Variants in CNTNAP5 observed in about 807,000 individuals in gnomAD.
CNTNAP5 encodes contactin-associated protein-like 5.
A neutral mutation model predicts 150.2 loss-of-function variants in CNTNAP5; 72 were observed. That is an observed-to-expected ratio of 0.48 (90% CI 0.40 to 0.58). The LOEUF (loss-of-function observed/expected upper bound fraction) is 0.58, where lower values mean the gene tolerates loss of function less well. CNTNAP5 is among the 20% of genes least tolerant of loss of function. The pLI is 0.00. For synonymous variants in CNTNAP5, 672 were observed against 619.8 expected (o/e 1.08, Z -1.25); for missense variants, 1,636 against 1,626.2 (o/e 1.01, Z -0.10).
At position 124,553,506 on chromosome 2, in the gene CNTNAP5, A is replaced by AAG. The variant is rs1695679843; in HGVS notation, c.1650-9710_1650-9709insGA. 2.3e-5 allele frequency among the ~76,000 whole-genome samples: 3 copies of AAG among 128,726 alleles called. No individual in the cohort carries two copies. The South Asian group carries it at 7.7e-4, about 33-fold the overall frequency. The allele number at this position is 128,726 out of a possible 152,430, so 84.4% of individuals were successfully genotyped here. On this transcript the variant is annotated intron_variant, in intron 10 of 23. Transcript: ENST00000682447. ...GTAGCAGACCAAGACTCTGTCTCAA[A>AAG]AAAAAAAAAAAAAAGTTAGAATGCA...
intron 6 of CNTNAP5, among the ~76,000 whole-genome samples, chr2:124,474,226 C>T (rs1693587436): frequency 6.6e-6 from 1 of 151,990 alleles, no homozygotes; most frequent in Admixed American, 6.6e-5. Flanking sequence ...ACTTGCTTTA[C>T]AAAACTATAT....
chr2:124,516,142 A>G (rs1330654034), intron 8 of CNTNAP5, among the ~76,000 whole-genome samples: 2 of 152,194 alleles, frequency 1.3e-5, no homozygotes, highest in African/African-American at 2.4e-5. Flanking sequence ...ATCGAATTTG[A>G]TAGCTGATGG....
intron 19 of CNTNAP5, among the ~76,000 whole-genome samples, chr2:124,810,043 C>T (rs905070387): frequency 2.6e-5 from 4 of 152,118 alleles, no homozygotes; most frequent in Non-Finnish European, 5.9e-5. Context: ...AAATGGTTTG[C>T]GAACTGGAAT....
At chr2:124,870,521 C>T (rs1188191247) in intron 21 of CNTNAP5, among the ~76,000 whole-genome samples, 1 of 151,914 alleles carries the variant, frequency 6.6e-6, no homozygotes, top group Non-Finnish European at 1.5e-5. Flanking sequence ...GTAGGTCCTT[C>T]TACATTGTGG....
chr2:124,541,063 C>G (rs1857691), intron 10 of CNTNAP5, among the ~76,000 whole-genome samples: 1 of 151,962 alleles, frequency 6.6e-6, no homozygotes, highest in African/African-American at 2.4e-5. Context: ...TTTGTCCTCT[C>G]CATGGCTTTC....
chr2:124,536,871 T>C (rs1029574102), intron 10 of CNTNAP5, among the ~76,000 whole-genome samples: 1 of 152,144 alleles, frequency 6.6e-6, no homozygotes, highest in African/African-American at 2.4e-5. Context: ...GGAAGGGCTG[T>C]CTTGGCAGCA....
chr2:124,908,056 C>A (rs965335149), intron 22 of CNTNAP5, among the ~76,000 whole-genome samples: 1 of 151,686 alleles, frequency 6.6e-6, no homozygotes, highest in Non-Finnish European at 1.5e-5. Context: ...AAGGGAGAAA[C>A]CATTGTAAGT....
chr2:124,798,079 C>A lies in CNTNAP5; in HGVS notation c.2993-17C>A. ...CTAAAGGTTTCAATGTGTGCTCTCCCCTCTTATATTTTGCAGAGGTTTCTG... is the reference window on the plus strand; with the variant it reads ...CTAAAGGTTTCAATGTGTGCTCTCCACTCTTATATTTTGCAGAGGTTTCTG... On this transcript the variant is annotated splice_polypyrimidine_tract_variant and intron_variant, in intron 18 of 23. Coordinates refer to ENST00000682447, the MANE Select transcript of CNTNAP5 (RefSeq NM_001367498.1). 1 of 1,578,966 alleles carries A rather than the reference C, an allele frequency of 6.3e-7. No homozygotes were observed. Among genetic ancestry groups the A allele is most frequent in the Middle Eastern group, 1.7e-4 (1 of 6,008 alleles).
chr2:124,799,683 T>A (rs906624774), intron 19 of CNTNAP5, among the ~76,000 whole-genome samples: 1 of 152,246 alleles, frequency 6.6e-6, no homozygotes, highest in East Asian at 1.9e-4. Context: ...TTATTCCTCT[T>A]TGATTCATCT....
intron 3 of CNTNAP5, among the ~76,000 whole-genome samples, chr2:124,314,866 C>T (rs1417831114): frequency 6.6e-6 from 1 of 152,096 alleles, no homozygotes; most frequent in African/African-American, 2.4e-5. Flanking sequence ...TCATTAATTA[C>T]ATGGTCTTAG....
chr2:124,339,687 T>C (rs1428315832), intron 3 of CNTNAP5, among the ~76,000 whole-genome samples: 1 of 151,294 alleles, frequency 6.6e-6, no homozygotes. Flanking sequence ...TATTAAAGAG[T>C]TTAATTGATG....
At chr2:124,123,019 T>A (rs1205863193) in intron 1 of CNTNAP5, among the ~76,000 whole-genome samples, 2 of 151,942 alleles carry the variant, frequency 1.3e-5, no homozygotes, top group African/African-American at 4.8e-5. Flanking sequence ...AGACGGGTGA[T>A]TTCTGCATTT....
At chr2:124,451,077 T>TATACACACAC (rs755084840) in intron 6 of CNTNAP5, among the ~76,000 whole-genome samples, 15 of 61,468 alleles carry the variant, frequency 2.4e-4, no homozygotes, top group Non-Finnish European at 3.5e-4. Context: ...TATATATATA[T>TATACACACAC]ACACACACAC....
Position 124,221,753 on chromosome 2 carries a change from C to G in CNTNAP5, c.131C>G (p.Ser44Cys), listed in dbSNP as rs781042103. 5 of 1,611,738 alleles carry G rather than the reference C, an allele frequency of 3.1e-6. No individual in the cohort carries two copies. The African/African-American group carries it at 4.0e-5, about 13-fold the overall frequency. Residue 44 changes from serine to cysteine, a missense_variant, in exon 2 of 24, where the codon TCC (serine) becomes TGC (cysteine). Coordinates refer to ENST00000682447, the MANE Select transcript of CNTNAP5 (RefSeq NM_001367498.1). ...LASLLSPMAF[S>C]SSSDLTGTHS... is the part of the protein sequence containing the mutation. ...TCCCTGCTCTCTCCAATGGCTTTTT[C>G]CAGTTCCTCAGACCTCACTGGCACT... is the stretch of plus-strand genomic sequence containing the variant.
chr2:124,784,542 T>A (rs543928559), intron 17 of CNTNAP5, among the ~76,000 whole-genome samples: 1 of 152,196 alleles, frequency 6.6e-6, no homozygotes, highest in Admixed American at 6.5e-5. Flanking sequence ...ACAAAATTGC[T>A]TCTAGCTAGG....
At chr2:124,359,043 G>T (rs1558866446) in intron 3 of CNTNAP5, among the ~76,000 whole-genome samples, 1 of 151,052 alleles carries the variant, frequency 6.6e-6, no homozygotes, top group Non-Finnish European at 1.5e-5. Context: ...GAGAGTGTAT[G>T]TGTCCAGGAA....
At chr2:124,374,187 T>C (rs1157654343) in intron 3 of CNTNAP5, among the ~76,000 whole-genome samples, 2 of 152,090 alleles carry the variant, frequency 1.3e-5, no homozygotes, top group Non-Finnish European at 2.9e-5. Context: ...AACAATTATA[T>C]TAGAGAAATG....
In CNTNAP5 at chr2:124,716,237, A is replaced by G. The variant is rs190293776; in HGVS notation, c.2078-30992A>G. On this transcript the variant is annotated intron_variant, in intron 13 of 23. Coordinates refer to ENST00000682447, the MANE Select transcript of CNTNAP5 (RefSeq NM_001367498.1). Reference sequence around the variant, plus strand: ...TTGAAATAACTCCAAATATTTAAATAAACACTGGCACATACAATTTTTCTC... The same window carrying G: ...TTGAAATAACTCCAAATATTTAAATGAACACTGGCACATACAATTTTTCTC... Among the ~76,000 whole-genome samples the G allele has an allele frequency of 6.6e-5, 10 of 152,324 alleles. No individual in the cohort carries two copies. In the East Asian group the frequency reaches 1.9e-3, roughly 29 times the overall value.
intron 1 of CNTNAP5, among the ~76,000 whole-genome samples, chr2:124,105,044 T>A (rs1162679354): frequency 7.9e-6 from 1 of 126,738 alleles, no homozygotes; most frequent in Admixed American, 7.7e-5. Flanking sequence ...TCTACACATA[T>A]ATAAGCATAT....
Sources: gnomAD v4.1 joint callset for allele counts (sites outside exome capture counted in the v4.1 genomes callset) on GRCh38, gnomAD v4.1.1 for gene constraint, MANE v1.5 for transcripts, NCBI Gene and HGNC (gene_info 2026-07-23, HGNC 2026-07-21) for gene names.